The following CORO2B variants were observed in gnomAD, a reference collection of about 807,000 sequenced individuals.
CORO2B encodes coronin-2B.
Under a neutral mutation model 58.8 loss-of-function variants are expected in CORO2B, and 26 were observed. The observed-to-expected ratio is 0.44, with a 90% CI of 0.32 to 0.61. The LOEUF (loss-of-function observed/expected upper bound fraction) is 0.61. CORO2B is among the 20% of genes least tolerant of loss of function. The pLI is 0.04. For missense variants in CORO2B, 460 were observed against 645.1 expected (o/e 0.71, Z 3.11); for synonymous variants, 242 against 253.8 (o/e 0.95, Z 0.44).
the CORO2B span, among the ~76,000 whole-genome samples, chr15:68,520,563 C>G: frequency 6.6e-6 from 1 of 152,190 alleles, no homozygotes; most frequent in Admixed American, 6.5e-5. Context: ...TCTACTTTCT[C>G]TTGGTTACAG....
At chr15:68,553,737 G>A in the CORO2B span, among the ~76,000 whole-genome samples, 1 of 152,246 alleles carries the variant, frequency 6.6e-6, no homozygotes, top group South Asian at 2.1e-4. Context: ...AAGGCCATAA[G>A]CAGGACTGCC....
At chr15:68,538,260 A>G in the CORO2B span, among the ~76,000 whole-genome samples, 3 of 152,120 alleles carry the variant, frequency 2.0e-5, no homozygotes, top group African/African-American at 7.2e-5. Flanking sequence ...GGAAGAGGGG[A>G]ATAGCCACAG....
chr15:68,709,239 A>T (rs1413259276), intron 3 of CORO2B, among the ~76,000 whole-genome samples: 1 of 152,176 alleles, frequency 6.6e-6, no homozygotes, highest in Admixed American at 6.5e-5. Context: ...CCTACTAAAG[A>T]TTGCCAAATT....
intron 2 of CORO2B, among the ~76,000 whole-genome samples, chr15:68,691,047 C>T (rs67647276): frequency 0.25 from 37,017 of 151,008 alleles, 4,691 homozygotes; most frequent in African/African-American, 0.28. Flanking sequence ...AACTGGTTTT[C>T]GGCCAGGTGC....
intron 2 of CORO2B, among the ~76,000 whole-genome samples, chr15:68,681,528 G>A (rs1015947691): frequency 4.6e-5 from 7 of 152,124 alleles, no homozygotes; most frequent in African/African-American, 1.7e-4. Context: ...ATTGGGATTG[G>A]GGGAGATAAT....
intron 1 of CORO2B, among the ~76,000 whole-genome samples, chr15:68,590,973 TA>T (rs534387024): frequency 2.0e-5 from 3 of 152,082 alleles, no homozygotes; most frequent in African/African-American, 4.8e-5. Flanking sequence ...GAGATTTATT[TA>T]AAAAAAATTT....
chr15:68,710,977 C>A lies in CORO2B; in HGVS notation c.483+96C>A. 1 of 1,308,748 alleles carries A rather than the reference C, an allele frequency of 7.6e-7. No homozygotes were observed. The highest frequency in any genetic ancestry group is 1.0e-6 in the Non-Finnish European group (1 of 971,454). 81.1% of individuals were successfully genotyped at this position (1,308,748 alleles called of 1,614,324 possible). On this transcript the variant is annotated intron_variant, in intron 4 of 11. Coordinates refer to ENST00000261861, the MANE Select transcript of CORO2B (RefSeq NM_006091.5). The surrounding 1 kb of genome is among the most constrained non-coding windows in gnomAD (Gnocchi z 4.1). ...GAAGCACTGTTGCTTCCTAAGCAAC[C>A]AATATGGCCTCATCTGTTCATTTGC...
chr15:68,651,920 G>A (rs552765021), intron 2 of CORO2B, among the ~76,000 whole-genome samples: 5 of 152,272 alleles, frequency 3.3e-5, no homozygotes, highest in South Asian at 2.1e-4. Flanking sequence ...GTAGGAAGCC[G>A]TGTCTACAAC....
In CORO2B at chr15:68,719,478, A is replaced by G. The variant is rs747801690; in HGVS notation, c.1237A>G (p.Ile413Val). The change falls in exon 11 of 12, where the codon ATC becomes GTC. Residue 413 changes from isoleucine (I) to valine (V), a missense_variant. Physicochemically the swap from Ile to Val is conservative, Grantham distance 29. Around this residue, in one of 2 missense-constraint regions of CORO2B, gnomAD observed 108 missense variants for 102.1 expected, o/e 1.06. Transcript: ENST00000261861. ...CTCAAAAATGGTATTTAAGGCTCCC[A>G]TCAAAGAAAAGAAGAGTGTTGTGGT... ...KSSKMVFKAPIKEKKSVVVNG... is the reference protein window; with the variant it reads ...KSSKMVFKAPVKEKKSVVVNG... 30 of 1,614,078 alleles carry G rather than the reference A, an allele frequency of 1.9e-5. 1 individual carries two copies. In the Admixed American group the frequency reaches 3.2e-4, roughly 17 times the overall value.
At chr15:68,531,888 A>C in the CORO2B span, among the ~76,000 whole-genome samples, 8 of 152,048 alleles carry the variant, frequency 5.3e-5, no homozygotes, top group East Asian at 1.5e-3. Context: ...AGAAAAAAAA[A>C]AGTATTTAGT....
intron 11 of CORO2B, among the ~76,000 whole-genome samples, chr15:68,721,332 G>A (rs1893154665): frequency 6.6e-6 from 1 of 152,208 alleles, no homozygotes; most frequent in Non-Finnish European, 1.5e-5. Context: ...ATGAAATGAT[G>A]TGATAAATGG....
At chr15:68,722,470 C>T (rs919498509) in intron 11 of CORO2B, among the ~76,000 whole-genome samples, 6 of 152,076 alleles carry the variant, frequency 3.9e-5, no homozygotes, top group Admixed American at 6.6e-5. Flanking sequence ...CAGCTTGATG[C>T]GAGGGAAAAG....
the CORO2B span, among the ~76,000 whole-genome samples, chr15:68,529,202 G>A: frequency 2.2e-4 from 34 of 152,246 alleles, no homozygotes; most frequent in African/African-American, 4.1e-4. Flanking sequence ...ACTGTGGCTC[G>A]TCAGGAGATA....
At chr15:68,561,851 C>T in the CORO2B span, among the ~76,000 whole-genome samples, 4 of 152,086 alleles carry the variant, frequency 2.6e-5, no homozygotes, top group Non-Finnish European at 5.9e-5. Flanking sequence ...AGCCTGTGTG[C>T]GTAGTTGTGC....
the CORO2B span, among the ~76,000 whole-genome samples, chr15:68,572,063 G>A: frequency 6.6e-6 from 1 of 152,346 alleles, no homozygotes; most frequent in African/African-American, 2.4e-5. Flanking sequence ...GTCTGGCCCA[G>A]GGGCATCTGG....
chr15:68,706,396 T>C (rs1892786038), intron 3 of CORO2B, among the ~76,000 whole-genome samples: 2 of 148,976 alleles, frequency 1.3e-5, no homozygotes, highest in Non-Finnish European at 3.0e-5. Flanking sequence ...TCCGTCTGCA[T>C]GCACCGCTTA....
At chr15:68,696,582 G>A (rs1892518727) in intron 3 of CORO2B, among the ~76,000 whole-genome samples, 1 of 121,630 alleles carries the variant, frequency 8.2e-6, no homozygotes, top group Non-Finnish European at 1.8e-5. Flanking sequence ...AAAGAATCCA[G>A]GGAAAGTGAA....
upstream of CORO2B, among the ~76,000 whole-genome samples, chr15:68,575,726 A>T (rs1370545271): frequency 6.6e-6 from 1 of 152,032 alleles, no homozygotes. Flanking sequence ...CACTCCTGTG[A>T]TCACCTTCCA....
At chr15:68,635,440 A>C (rs902111574) in intron 1 of CORO2B, among the ~76,000 whole-genome samples, 4 of 152,172 alleles carry the variant, frequency 2.6e-5, no homozygotes, top group Admixed American at 1.3e-4. Flanking sequence ...AGTGGGTGCT[A>C]TTCTGCCACC....
Sources: gnomAD v4.1 joint callset for allele counts (sites outside exome capture counted in the v4.1 genomes callset) on GRCh38, gnomAD v4.1.1 for gene constraint, gnomAD v4.1.1 regional missense constraint, Gnocchi (gnomAD v3.1) non-coding constraint, MANE v1.5 for transcripts, NCBI Gene and HGNC (gene_info 2026-07-23, HGNC 2026-07-21) for gene names.